Variants in MGAT4C observed in about 807,000 individuals in gnomAD.
MGAT4C encodes alpha-1,3-mannosyl-glycoprotein 4-beta-N-acetylglucosaminyltransferase C.
Under a neutral mutation model 40.1 loss-of-function variants are expected in MGAT4C, and 19 were observed. The observed-to-expected ratio is 0.47, with a 90% CI of 0.33 to 0.70. MGAT4C has a LOEUF of 0.70. Among genes scored for constraint, MGAT4C ranks in the 30% least tolerant of loss-of-function variants. MGAT4C has a pLI of 0.02. For synonymous variants in MGAT4C, 181 were observed against 187.1 expected (o/e 0.97, Z 0.27); for missense variants, 491 against 563.2 (o/e 0.87, Z 1.30).
intron 4 of MGAT4C, among the ~76,000 whole-genome samples, chr12:86,307,033 T>C (rs1179926098): frequency 1.3e-5 from 2 of 150,474 alleles, no homozygotes; most frequent in African/African-American, 2.5e-5. Context: ...AGAATGATTT[T>C]TCTAGTAGAT....
intron 2 of MGAT4C, among the ~76,000 whole-genome samples, chr12:86,536,301 C>T (rs1959066726): frequency 6.6e-6 from 1 of 152,082 alleles, no homozygotes; most frequent in Non-Finnish European, 1.5e-5. Flanking sequence ...TCATAAAGGA[C>T]ATAGATTTGC....
chr12:86,153,876 A>C (rs1193103526), intron 1 of MGAT4C, among the ~76,000 whole-genome samples: 1 of 152,176 alleles, frequency 6.6e-6, no homozygotes, highest in African/African-American at 2.4e-5. Flanking sequence ...AGCAGTGTGA[A>C]AATAGACTAA....
chr12:86,394,616 T>TTATATATATA lies in MGAT4C; in HGVS notation c.-120+40531_-120+40540dup, dbSNP rs71076194. 5.0e-3 allele frequency among the ~76,000 whole-genome samples: 677 copies of TTATATATATA among 135,430 alleles called. 1 individual carries two copies. The highest frequency in any genetic ancestry group is 0.012 in the Middle Eastern group (3 of 242). The allele number at this position is 135,430 out of a possible 152,430, so 88.8% of individuals were successfully genotyped here. On this transcript the variant is annotated intron_variant, in intron 3 of 7. Coordinates refer to the MGAT4C transcript ENST00000548651. The stretch of plus-strand genomic sequence containing the variant: ...TTTATATATTTTATATATATATACT[T>TTATATATATA]TATATATATATATATATATGTACTT...
chr12:86,594,392 T>C (rs1245211051), intron 2 of MGAT4C, among the ~76,000 whole-genome samples: 1 of 152,154 alleles, frequency 6.6e-6, no homozygotes, highest in African/African-American at 2.4e-5. Context: ...CTCAGGGCCA[T>C]TGACTTGAAA....
At chr12:86,510,685 G>A (rs1958562248) in intron 2 of MGAT4C, among the ~76,000 whole-genome samples, 1 of 152,078 alleles carries the variant, frequency 6.6e-6, no homozygotes, top group African/African-American at 2.4e-5. Flanking sequence ...GGCAGGGGTT[G>A]CAATCCTAGT....
intron 2 of MGAT4C, among the ~76,000 whole-genome samples, chr12:86,518,823 T>C (rs575795303): frequency 6.6e-6 from 1 of 152,312 alleles, no homozygotes; most frequent in African/African-American, 2.4e-5. Context: ...CAACTCATTG[T>C]AGCTTATCTG....
At chr12:86,808,919 G>A (rs1952417417) in intron 1 of MGAT4C, among the ~76,000 whole-genome samples, 1 of 152,054 alleles carries the variant, frequency 6.6e-6, no homozygotes, top group African/African-American at 2.4e-5. Flanking sequence ...AAGCTGGTAA[G>A]CAACTTCACC....
chr12:86,575,563 A>T lies in MGAT4C; in HGVS notation c.-228-140298T>A, dbSNP rs180761203. On this transcript the variant is annotated intron_variant, in intron 2 of 7. Transcript: ENST00000548651. ...GATCTCATTTTTATGGCTAAATAGTACTCCATTGTGTATATGTATCGTATT... is the reference window on the plus strand; with the variant it reads ...GATCTCATTTTTATGGCTAAATAGTTCTCCATTGTGTATATGTATCGTATT... Among the ~76,000 whole-genome samples, 5 of 151,872 alleles carry T rather than the reference A, an allele frequency of 3.3e-5. No homozygotes were observed. In the East Asian group the frequency reaches 9.7e-4, roughly 29 times the overall value.
At chr12:85,993,151 GGC>G (rs1886170634) in intron 2 of MGAT4C, among the ~76,000 whole-genome samples, 1 of 152,166 alleles carries the variant, frequency 6.6e-6, no homozygotes, top group African/African-American at 2.4e-5. Flanking sequence ...GGTATATAGA[GGC>G]TTTCTAGAAC....
chr12:86,167,439 C>A (rs1371982044), intron 1 of MGAT4C, among the ~76,000 whole-genome samples: 3 of 152,138 alleles, frequency 2.0e-5, no homozygotes, highest in Non-Finnish European at 4.4e-5. Flanking sequence ...AAAGCTTAAT[C>A]TGAATCAGTG....
chr12:86,218,040 A>T (rs775169926), intron 1 of MGAT4C, among the ~76,000 whole-genome samples: 11 of 152,118 alleles, frequency 7.2e-5, no homozygotes, highest in Non-Finnish European at 1.6e-4. Context: ...CCTCTCTGCT[A>T]AAACGAGAAC....
chr12:86,051,208 C>A lies in MGAT4C; in HGVS notation c.-56-1485G>T, dbSNP rs75166978. Among the ~76,000 whole-genome samples the A allele has an allele frequency of 1.7e-4, 26 of 152,084 alleles. No homozygotes were observed. The East Asian group carries it at 4.2e-3, about 25-fold the overall frequency. On this transcript the variant is annotated intron_variant, in intron 1 of 4. Coordinates refer to ENST00000611864, the MANE Select transcript of MGAT4C (RefSeq NM_001351288.2). The stretch of plus-strand genomic sequence containing the variant: ...TTTGAAAATATTATAACAATGTTCA[C>A]GACCAGAACTCTTGTAATTGGTCTT...
intron 1 of MGAT4C, among the ~76,000 whole-genome samples, chr12:86,766,070 G>A (rs1202418200): frequency 6.6e-6 from 1 of 152,056 alleles, no homozygotes; most frequent in East Asian, 1.9e-4. Flanking sequence ...GACACAGACT[G>A]GCAAATTGGA....
chr12:86,279,196 CCTT>C (rs1422356137), intron 4 of MGAT4C, among the ~76,000 whole-genome samples: 5 of 151,904 alleles, frequency 3.3e-5, no homozygotes, highest in African/African-American at 4.8e-5. Flanking sequence ...CGTATTCACT[CCTT>C]CTCTATTTTT....
intron 3 of MGAT4C, among the ~76,000 whole-genome samples, chr12:86,364,038 C>G (rs1017768662): frequency 2.0e-5 from 3 of 151,684 alleles, no homozygotes; most frequent in African/African-American, 7.3e-5. Flanking sequence ...CAATGGTCCT[C>G]TATCTGTAAA....
chr12:86,485,524 A>G (rs1298165804), intron 2 of MGAT4C, among the ~76,000 whole-genome samples: 4 of 152,190 alleles, frequency 2.6e-5, no homozygotes, highest in African/African-American at 9.6e-5. Context: ...CTCACTCAGA[A>G]ATTAATAATA....
At chr12:86,783,277 ATAAT>A (rs1341772659) in intron 1 of MGAT4C, among the ~76,000 whole-genome samples, 21 of 152,178 alleles carry the variant, frequency 1.4e-4, no homozygotes, top group Non-Finnish European at 2.2e-4. Flanking sequence ...AAGGAGTTAC[ATAAT>A]TAAAGAAAGT....
chr12:86,408,473 C>A lies in MGAT4C; in HGVS notation c.-120+26684G>T, dbSNP rs919752954. ...ACTCTCTCTCTCTCTCTCTCTCTCT[C>A]TCTCTCTATATATATATATATATAT... On this transcript the variant is annotated intron_variant, in intron 3 of 7. Coordinates refer to the MGAT4C transcript ENST00000548651. 2.9e-4 allele frequency among the ~76,000 whole-genome samples: 31 copies of A among 108,102 alleles called. No individual in the cohort carries two copies. In the East Asian group the frequency reaches 3.0e-3, roughly 10 times the overall value. 70.9% of individuals were successfully genotyped at this position (108,102 alleles called of 152,430 possible).
chr12:86,317,226 G>A (rs1214360455), intron 4 of MGAT4C, among the ~76,000 whole-genome samples: 1 of 152,022 alleles, frequency 6.6e-6, no homozygotes, highest in African/African-American at 2.4e-5. Flanking sequence ...TAACAAAAAA[G>A]AGCAAAAACA....
Sources: gnomAD v4.1 joint callset for allele counts (sites outside exome capture counted in the v4.1 genomes callset) on GRCh38, gnomAD v4.1.1 for gene constraint, MANE v1.5 for transcripts, NCBI Gene and HGNC (gene_info 2026-07-23, HGNC 2026-07-21) for gene names.